Variants in PPOX observed in about 807,000 individuals in gnomAD.
PPOX encodes protoporphyrinogen oxidase, also known as variegate porphyria.
PPOX carries 23 observed loss-of-function variants against 54.1 expected under a neutral mutation model. The observed-to-expected ratio is 0.43, with a 90% CI of 0.31 to 0.60. The LOEUF (loss-of-function observed/expected upper bound fraction) is 0.60, where lower values mean the gene tolerates loss of function less well. PPOX is among the 20% of genes least tolerant of loss of function. The pLI is 0.13. For synonymous variants in PPOX, 224 were observed against 236.1 expected, an observed-to-expected ratio of 0.95 and a Z score of 0.47; for missense variants, 512 against 601.1, an observed-to-expected ratio of 0.85 and a Z score of 1.55.
chr1:161,168,924 A>C, intron 6 of PPOX, 69 bp from the exon 7 acceptor site: 1 of 1,587,188 alleles, frequency 6.3e-7, no homozygotes, highest in Non-Finnish European at 8.6e-7. Flanking sequence ...TCGGCCTCCT[A>C]AAGTGCTGGG....
downstream of PPOX, chr1:161,174,832 C>A (rs1382276242): frequency 1.4e-6 from 1 of 704,664 alleles, no homozygotes; most frequent in Non-Finnish European, 2.4e-6. Context: ...AAGTATGGGA[C>A]TAACAAAGTT....
chr1:161,175,822 C>T (rs528969895), downstream of PPOX: 7 of 1,613,976 alleles, frequency 4.3e-6, no homozygotes, highest in East Asian at 2.2e-5. Context: ...GAGAGGAGAT[C>T]GTTCTGGACA....
At chr1:161,170,320 G>GGGGGGGGGGC in intron 9 of PPOX, 89 bp from the exon 10 acceptor site, 3 of 494,786 alleles carry the variant, frequency 6.1e-6, no homozygotes, top group East Asian at 5.4e-5. Flanking sequence ...GTGAGACTCT[G>GGGGGGGGGGC]TCCCCCCCAC....
rs1380147464 is a variant in PPOX at position 161,166,945 on chromosome 1, C to A, written c.87+11C>A. The A allele has an allele frequency of 6.2e-7, 1 of 1,613,598 alleles. No individual in the cohort carries two copies. The highest frequency in any genetic ancestry group is 8.5e-7 in the Non-Finnish European group (1 of 1,179,794). On this transcript the variant is annotated intron_variant, in intron 2 of 12. Transcript: ENST00000367999. The stretch of plus-strand genomic sequence containing the variant: ...CCCTGCCCCCCTAAGGTGAGTGCTC[C>A]ACTTGTGCCAGAGGGAGCTTCATTT...
At chr1:161,172,415 A>C, downstream of PPOX, 2 of 1,230,414 alleles carry the variant, frequency 1.6e-6, no homozygotes, top group Non-Finnish European at 1.1e-6. Context: ...CACACAAAAA[A>C]ACAACTATTA....
chr1:161,167,963 G>T, intron 4 of PPOX, 32 bp from the exon 5 acceptor site: 1 of 1,613,894 alleles, frequency 6.2e-7, no homozygotes, highest in Non-Finnish European at 8.5e-7. Flanking sequence ...TATGTCAGGA[G>T]CTTCCCCCTC....
downstream of PPOX, among the ~76,000 whole-genome samples, chr1:161,174,221 C>T (rs111611535): frequency 1.1e-3 from 174 of 152,208 alleles, no homozygotes; most frequent in African/African-American, 4.0e-3. Flanking sequence ...CCCTGGCTAA[C>T]ACGGTAAAAC....
At position 161,166,614 on chromosome 1, in the gene PPOX, A is replaced by G. The variant is rs535863868; in HGVS notation, c.-67A>G. Reference sequence around the variant, plus strand: ...GCACCCAGCAGAGCGCCGGCGGGGTACGGTCTTAGGACCTCGATCTCCTTC... The same window carrying G: ...GCACCCAGCAGAGCGCCGGCGGGGTGCGGTCTTAGGACCTCGATCTCCTTC... On this transcript the variant is annotated 5_prime_UTR_variant, in exon 1 of 13. Transcript: ENST00000367999. 1.4e-6 allele frequency: 2 copies of G among 1,438,294 alleles called. No individual in the cohort carries two copies. Among genetic ancestry groups the G allele is most frequent in the Admixed American group, 2.6e-5 (1 of 37,902 alleles). The allele number at this position is 1,438,294 out of a possible 1,614,324, so 89.1% of individuals were successfully genotyped here. A position where few individuals can be genotyped will look rare whatever the true frequency, so the allele number is the denominator to read the frequency against.
chr1:161,177,192 G>A, downstream of PPOX: 1 of 952,104 alleles, frequency 1.1e-6, no homozygotes, highest in Non-Finnish European at 1.5e-6. Flanking sequence ...GGTCCGCGCT[G>A]TGGAGGGGGT....
downstream of PPOX, chr1:161,172,538 G>A: frequency 1.8e-6 from 1 of 565,646 alleles, no homozygotes; most frequent in Admixed American, 3.5e-5. Flanking sequence ...CCCAGTGCCA[G>A]TCACCCTAGG....
chr1:161,175,278 G>T (rs773842445), downstream of PPOX: 3 of 1,529,842 alleles, frequency 2.0e-6, no homozygotes, highest in South Asian at 3.4e-5. Flanking sequence ...AAAGAGAAAA[G>T]AATCAAACTA....
Position 161,170,390 on chromosome 1 carries a change from T to C in PPOX, c.988-19T>C. ...GCTAGAGCCCTTTCCTTCTGACGCATGAATGTCCTTCTCTCCAGGGATTTG... is the reference window on the plus strand; with the variant it reads ...GCTAGAGCCCTTTCCTTCTGACGCACGAATGTCCTTCTCTCCAGGGATTTG... On this transcript the variant is annotated intron_variant, in intron 9 of 12. Transcript: ENST00000367999. 1 of 1,391,624 alleles carries C rather than the reference T, an allele frequency of 7.2e-7. No homozygotes were observed. Among genetic ancestry groups the C allele is most frequent in the Non-Finnish European group, 9.6e-7 (1 of 1,038,870 alleles). The allele number at this position is 1,391,624 out of a possible 1,614,324, so 86.2% of individuals were successfully genotyped here.
At chr1:161,172,113 A>G, downstream of PPOX, 2 of 1,612,556 alleles carry the variant, frequency 1.2e-6, no homozygotes, top group South Asian at 1.1e-5. Context: ...GTTGGAGACT[A>G]AGACCCAGAA....
rs753605112 is a variant in PPOX, at chr1:161,169,137, G to T, written c.761G>T (p.Gly254Val). 6.2e-7 allele frequency: 1 copy of T among 1,614,146 alleles called. No individual in the cohort carries two copies. The highest frequency in any genetic ancestry group is 8.5e-7 in the Non-Finnish European group (1 of 1,180,036). Residue 254 changes from glycine to valine, a missense_variant, in exon 7 of 13, where the codon GGC (glycine) becomes GTC (valine). Physicochemically the swap from Gly to Val is moderately radical, Grantham distance 109 (BLOSUM62 -3). Transcript: ENST00000367999. ...LTSRGVSVLR[G>V]QPVCGLSLQA... ...AGTAGGGGGGTCAGTGTTCTCAGAG[G>T]CCAGCCGGTCTGTGGGCTCAGCCTC...
Position 161,166,450 on chromosome 1 carries a change from A to G in PPOX, c.-231A>G, listed in dbSNP as rs753607769. On this transcript the variant is annotated 5_prime_UTR_variant, in exon 1 of 13. Coordinates refer to ENST00000367999, the MANE Select transcript of PPOX (RefSeq NM_001122764.3). ...TGGACGGAGCGTAGGAGAGACCGAA[A>G]AGGCTGGGGGTGGGAGTAGCGGATT... is the stretch of plus-strand genomic sequence containing the variant. 2 of 1,200,828 alleles carry G rather than the reference A, an allele frequency of 1.7e-6. No individual in the cohort carries two copies. Among genetic ancestry groups the G allele is most frequent in the Non-Finnish European group, 2.1e-6 (2 of 954,224 alleles). 74.4% of individuals were successfully genotyped at this position (1,200,828 alleles called of 1,614,324 possible). A position where few individuals can be genotyped will look rare whatever the true frequency, so the allele number is the denominator to read the frequency against.
chr1:161,167,184 C>T lies in PPOX; in HGVS notation c.172C>T (p.Pro58Ser). ...GPNGAIFELG[P>S]RGIRPAGALG... ...TAATGGTGCTATCTTTGAGCTTGGA[C>T]CTCGGGGAATTAGGCCAGCGGGAGC... is the stretch of plus-strand genomic sequence containing the variant. Residue 58 changes from proline (P) to serine (S), a missense_variant, in exon 3 of 13, where the codon CCT (proline) becomes TCT (serine). By Grantham distance (74) the Pro-to-Ser change is moderately conservative. Transcript: ENST00000367999. The T allele has an allele frequency of 1.2e-6, 2 of 1,614,192 alleles. No homozygotes were observed. The highest frequency in any genetic ancestry group is 1.1e-5 in the South Asian group (1 of 91,084).
rs569992585 is a variant in PPOX at position 161,176,269 on chromosome 1, T to C, written c.373-580T>C. On this transcript the variant is annotated intron_variant, in intron 4 of 4. Transcript: ENST00000497522. ...CACCAGTAACCCTACCACCTGTCAC[T>C]TCAGCCCAAGTTTCGCTCTCCTCTA... The C allele has an allele frequency of 7.2e-5, 47 of 656,436 alleles. No individual in the cohort carries two copies. The African/African-American group carries it at 7.5e-4, about 10-fold the overall frequency. 40.7% of individuals were successfully genotyped at this position (656,436 alleles called of 1,614,324 possible).
Position 161,169,185 on chromosome 1 carries a change from TA to T in PPOX, c.807+3del, listed in dbSNP as rs1463774643. 2 of 1,613,472 alleles carry T rather than the reference TA, an allele frequency of 1.2e-6. No individual in the cohort carries two copies. The highest frequency in any genetic ancestry group is 8.5e-7 in the Non-Finnish European group (1 of 1,180,012). ...CTCCAGGCAGAAGGGCGCTGGAAGGTAGGGGAACCCCTGGAGTGTAATGAAC... is the reference window on the plus strand; with the variant it reads ...CTCCAGGCAGAAGGGCGCTGGAAGGTGGGGAACCCCTGGAGTGTAATGAAC... On this transcript the variant is annotated splice_donor_region_variant and intron_variant, in intron 7 of 12. Transcript: ENST00000367999.
downstream of PPOX, chr1:161,175,810 A>C: frequency 6.2e-7 from 1 of 1,613,774 alleles, no homozygotes; most frequent in Non-Finnish European, 8.5e-7. Context: ...GCACTTACCT[A>C]AGAGAGGAGA....
Sources: allele counts gnomAD v4.1 joint callset (sites outside exome capture counted in the v4.1 genomes callset), GRCh38; gene constraint gnomAD v4.1.1; transcripts MANE v1.5; gene names NCBI Gene and HGNC (gene_info 2026-07-23, HGNC 2026-07-21).